Variants in SYT12 observed in about 807,000 individuals in gnomAD.
SYT12 encodes synaptotagmin-12.
SYT12 carries 27 observed loss-of-function variants against 39.5 expected under a neutral mutation model. The observed-to-expected ratio is 0.68, with a 90% confidence interval of 0.50 to 0.94. The LOEUF is 0.94. SYT12 is among the 40% of genes least tolerant of loss of function. The probability of loss-of-function intolerance (pLI) is 0.00; values close to 1 mark genes in which losing one functional copy is unlikely to be tolerated. For synonymous variants in SYT12, 233 were observed against 239.7 expected (o/e 0.97, Z 0.26); for missense variants, 536 against 572.6 (o/e 0.94, Z 0.65).
chr11:67,035,876 TTCTTTCCC>T (rs1372134617), intron 3 of SYT12, among the ~76,000 whole-genome samples: 21 of 122,640 alleles, frequency 1.7e-4, no homozygotes, highest in African/African-American at 4.3e-4. Context: ...CTTTCTTTCT[TTCTTTCCC>T]TCCCTCCCTC....
intron 2 of SYT12, chr11:67,030,954 C>T (rs893836905): frequency 2.6e-5 from 4 of 152,248 alleles, no homozygotes; most frequent in African/African-American, 9.7e-5. Flanking sequence ...ACTCCCAGCC[C>T]CGTGCTCCCC....
At chr11:67,045,079 C>G (rs1950590241) in intron 6 of SYT12, among the ~76,000 whole-genome samples, 2 of 152,070 alleles carry the variant, frequency 1.3e-5, no homozygotes, top group Non-Finnish European at 2.9e-5. Context: ...ACTCCATTCC[C>G]AGAGACAGGG....
intron 7 of SYT12, among the ~76,000 whole-genome samples, chr11:67,046,282 C>T (rs1386746129): frequency 3.9e-5 from 6 of 152,158 alleles, no homozygotes; most frequent in Non-Finnish European, 8.8e-5. Context: ...CTGCTGAACT[C>T]CCCAGGTTCG....
rs974562487 is a variant in SYT12 at position 67,023,256 on chromosome 11, C to A, written c.-228C>A. 1.3e-5 allele frequency: 2 copies of A among 150,400 alleles called. No individual in the cohort carries two copies. The highest frequency in any genetic ancestry group is 1.3e-4 in the Admixed American group (2 of 15,086). 9.3% of individuals were successfully genotyped at this position (150,400 alleles called of 1,614,324 possible). A position where few individuals can be genotyped will look rare whatever the true frequency, so the allele number is the denominator to read the frequency against. On this transcript the variant is annotated 5_prime_UTR_variant, in exon 1 of 8. Coordinates refer to ENST00000527043, the MANE Select transcript of SYT12 (RefSeq NM_177963.4). The stretch of plus-strand genomic sequence containing the variant: ...GCGCGGCGGGCTCCTGGGAGCGTGC[C>A]CGGACTGCGGCGCAGCTCCGGTCCG...
upstream of SYT12, among the ~76,000 whole-genome samples, chr11:67,020,116 G>C (rs1280524154): frequency 1.3e-5 from 2 of 152,148 alleles, no homozygotes; most frequent in African/African-American, 2.4e-5. Context: ...GGTCCCAAAG[G>C]TCCCAGAGGT....
At chr11:67,009,312 T>A (rs375915113) in intron 1 of SYT12, among the ~76,000 whole-genome samples, 12 of 152,064 alleles carry the variant, frequency 7.9e-5, no homozygotes, top group East Asian at 3.9e-4. Context: ...CGACCTTGAT[T>A]GATTTTTTTT....
At chr11:67,023,817 C>T (rs1027684198) in intron 1 of SYT12, among the ~76,000 whole-genome samples, 1 of 152,244 alleles carries the variant, frequency 6.6e-6, no homozygotes, top group African/African-American at 2.4e-5. Flanking sequence ...GCTTCGCACC[C>T]CCTCCCGACA....
chr11:67,037,920 T>C (rs1950414648), intron 3 of SYT12, among the ~76,000 whole-genome samples: 1 of 147,638 alleles, frequency 6.8e-6, no homozygotes, highest in African/African-American at 2.5e-5. Flanking sequence ...CCAGGTGTAG[T>C]AGGTCACACC....
At chr11:67,009,630 A>G (rs1263685935) in intron 1 of SYT12, among the ~76,000 whole-genome samples, 1 of 152,122 alleles carries the variant, frequency 6.6e-6, no homozygotes, top group East Asian at 1.9e-4. Flanking sequence ...CACCTGCTAT[A>G]TGCTGGGCCT....
At position 67,034,839 on chromosome 11, in the gene SYT12, G is replaced by A. The variant is rs780452885; in HGVS notation, c.228+1G>A. ...GAGCTGCGCAGAGGCCAGGGAGAAG[G>A]TGAGGCTTCTGCTCCTGCAGGTGCA... is the stretch of plus-strand genomic sequence containing the variant. On this transcript the variant is annotated splice_donor_variant, in intron 3 of 7. Transcript: ENST00000527043. LOFTEE classifies it high-confidence loss of function. The A allele has an allele frequency of 2.6e-6, 4 of 1,534,430 alleles. No homozygotes were observed. The Admixed American group carries it at 9.2e-5, about 35-fold the overall frequency.
chr11:67,040,575 C>T (rs1445213837), intron 4 of SYT12, among the ~76,000 whole-genome samples: 2 of 152,316 alleles, frequency 1.3e-5, no homozygotes, highest in East Asian at 1.9e-4. Flanking sequence ...TGTGGTGGCT[C>T]ATGCCTCTAA....
At chr11:67,011,088 G>C (rs868387779) in intron 3 of SYT12, 6 of 152,310 alleles carry the variant, frequency 3.9e-5, no homozygotes, top group Middle Eastern at 6.8e-3. Context: ...GCTAGGTGCA[G>C]TAGAACCTAC....
intron 1 of SYT12, chr11:67,027,803 TG>T (rs1353885596): frequency 6.6e-6 from 1 of 152,246 alleles, no homozygotes; most frequent in Non-Finnish European, 1.5e-5. Flanking sequence ...TGTCCCAGCT[TG>T]GCCCCACTCT....
chr11:67,020,687 G>A (rs962519554), upstream of SYT12, among the ~76,000 whole-genome samples: 10 of 152,120 alleles, frequency 6.6e-5, no homozygotes, highest in African/African-American at 1.7e-4. Flanking sequence ...CATCAGCAGC[G>A]TTCTCTGTGT....
intron 4 of SYT12, among the ~76,000 whole-genome samples, chr11:67,043,083 G>A (rs571882050): frequency 1.4e-4 from 21 of 152,286 alleles, no homozygotes; most frequent in African/African-American, 4.6e-4. Flanking sequence ...CACCTTCCCA[G>A]GGGGCCTGCC....
At chr11:67,046,316 C>T (rs1226949288) in intron 7 of SYT12, among the ~76,000 whole-genome samples, 1 of 152,220 alleles carries the variant, frequency 6.6e-6, no homozygotes, top group African/African-American at 2.4e-5. Flanking sequence ...AGGTGACATG[C>T]TCCAGGGAGA....
At chr11:67,048,218 C>A (rs1445265884) in intron 7 of SYT12, among the ~76,000 whole-genome samples, 2 of 149,722 alleles carry the variant, frequency 1.3e-5, no homozygotes, top group Non-Finnish European at 3.0e-5. Context: ...TTGCAGTGAG[C>A]TGAGATCATG....
At chr11:67,028,445 G>A (rs1360992110) in intron 1 of SYT12, 1 of 152,210 alleles carries the variant, frequency 6.6e-6, no homozygotes, top group Non-Finnish European at 1.5e-5. Flanking sequence ...TATCTGACCT[G>A]CTTCTAGAGG....
intron 3 of SYT12, among the ~76,000 whole-genome samples, chr11:67,036,782 T>A (rs1950389954): frequency 7.1e-6 from 1 of 141,768 alleles, no homozygotes; most frequent in African/African-American, 2.5e-5. Context: ...CTAAAAAAAA[T>A]ACAAAAATTG....
Sources: gnomAD v4.1 joint callset for allele counts (sites outside exome capture counted in the v4.1 genomes callset) on GRCh38, gnomAD v4.1.1 for gene constraint, MANE v1.5 for transcripts, NCBI Gene and HGNC (gene_info 2026-07-23, HGNC 2026-07-21) for gene names.